Variants in USF2 observed in about 807,000 individuals in gnomAD.
USF2 encodes the protein upstream stimulatory factor 2.
USF2 carries 16 observed loss-of-function variants against 46.9 expected under a neutral mutation model. That is an observed-to-expected ratio of 0.34 (90% CI 0.23 to 0.52). USF2 has a LOEUF of 0.52. Among genes scored for constraint, USF2 ranks in the 20% least tolerant of loss-of-function variants. The pLI, the probability that USF2 is intolerant of heterozygous loss-of-function variation, is 0.96. For missense variants in USF2, 411 were observed against 474.0 expected (o/e 0.87, Z 1.23); for synonymous variants, 239 against 194.1 (o/e 1.23, Z -1.92).
intron 7 of USF2, among the ~76,000 whole-genome samples, chr19:35,276,562 G>A (rs1450847465): frequency 6.6e-6 from 1 of 152,202 alleles, no homozygotes; most frequent in Non-Finnish European, 1.5e-5. Flanking sequence ...ATGCGGTCCT[G>A]ACCTGCGAGC....
intron 7 of USF2, chr19:35,275,209 G>A (rs1212925049): frequency 6.6e-6 from 1 of 152,070 alleles, no homozygotes; most frequent in African/African-American, 2.4e-5. Flanking sequence ...GCCACACCTA[G>A]CTAGTTTTTG....
rs1361550595 is a variant in USF2 at position 35,270,492 on chromosome 19, G to A, written c.475G>A (p.Glu159Lys). The A allele has an allele frequency of 1.2e-6, 2 of 1,613,962 alleles. No individual in the cohort carries two copies. The highest frequency in any genetic ancestry group is 1.7e-6 in the Non-Finnish European group (2 of 1,180,026). Residue 159 changes from glutamate to lysine, a missense_variant, in exon 5 of 10, where the codon GAG (glutamate) becomes AAG (lysine). Physicochemically the swap from Glu to Lys is moderately conservative, Grantham distance 56. Transcript: ENST00000222305. Reference protein sequence around the residue: ...PFSNGGSPAAEAVSGEARFAY... With the variant: ...PFSNGGSPAAKAVSGEARFAY... The stretch of plus-strand genomic sequence containing the variant: ...CAGCAATGGTGGCAGTCCGGCGGCC[G>A]AGGCTGTCAGCGGGGAGGCACGATT...
chr19:35,276,851 T>C (rs980459890), intron 7 of USF2: 5 of 152,288 alleles, frequency 3.3e-5, no homozygotes, highest in Admixed American at 1.3e-4. Flanking sequence ...TTGCCCACAG[T>C]GGTGCTGCGA....
rs1257979896 is a variant in USF2 at position 35,279,216 on chromosome 19, A to G, written c.1001A>G (p.Gln334Arg). The change falls in exon 10 of 10, where the codon CAG (glutamine) becomes CGG (arginine). Residue 334 changes from glutamine to arginine, a missense_variant. By Grantham distance (43) the Gln-to-Arg change is conservative (BLOSUM62 1). Around this residue, in one of 2 missense-constraint regions of USF2, gnomAD observed 93 missense variants for 151.6 expected, o/e 0.61. Coordinates refer to ENST00000222305, the MANE Select transcript of USF2 (RefSeq NM_003367.4). ...ENALLRAQLQ[Q>R]HNLEMVGEGT... Reference sequence around the variant, plus strand: ...GCCCTGCTTCGAGCCCAGCTGCAGCAGCACAACCTGGAGATGGTGGGCGAG... The same window carrying G: ...GCCCTGCTTCGAGCCCAGCTGCAGCGGCACAACCTGGAGATGGTGGGCGAG... 5.7e-6 allele frequency: 9 copies of G among 1,588,684 alleles called. No individual in the cohort carries two copies. Among genetic ancestry groups the G allele is most frequent in the Non-Finnish European group, 7.7e-6 (9 of 1,166,954 alleles).
chr19:35,278,626 TCTG>T, intron 7 of USF2, 69 bp from the exon 8 acceptor site: 2 of 1,511,502 alleles, frequency 1.3e-6, no homozygotes, highest in Non-Finnish European at 1.8e-6. Flanking sequence ...GGGCTGAGCC[TCTG>T]CCCTGTGAGG....
intron 7 of USF2, chr19:35,275,205 C>T (rs778651225): frequency 2.0e-5 from 3 of 152,140 alleles, no homozygotes; most frequent in Non-Finnish European, 4.4e-5. Context: ...CGCTGCCACA[C>T]CTAGCTAGTT....
intron 7 of USF2, 165 bp from the exon 8 acceptor site, chr19:35,278,533 G>C: frequency 1.5e-6 from 1 of 685,908 alleles, no homozygotes; most frequent in Admixed American, 2.5e-5. Flanking sequence ...AGCTGGGGTG[G>C]GGGCCGGCTG....
chr19:35,270,136 G>A lies in USF2; in HGVS notation c.429+133G>A, dbSNP rs1018734028. 1.8e-5 allele frequency: 20 copies of A among 1,108,186 alleles called. No homozygotes were observed. In the African/African-American group the frequency reaches 2.0e-4, roughly 11 times the overall value. 68.6% of individuals were successfully genotyped at this position (1,108,186 alleles called of 1,614,324 possible). On this transcript the variant is annotated intron_variant, in intron 4 of 9. Transcript: ENST00000222305. ...TGCCTTCAGGCCTCAGGCTGCATGG[G>A]GCCAGATCCCTGTTGTGCACCGTGA...
At chr19:35,278,627 C>T (rs2066266826) in intron 7 of USF2, 71 bp from the exon 8 acceptor site, 2 of 1,519,678 alleles carry the variant, frequency 1.3e-6, no homozygotes, top group South Asian at 2.3e-5. Context: ...GGCTGAGCCT[C>T]TGCCCTGTGA....
Position 35,279,181 on chromosome 19 carries a change from G to A in USF2, c.966G>A (p.Lys322=). Residue 322 remains lysine, a synonymous_variant, in exon 10 of 10, where the codon AAG becomes AAA. Coordinates refer to ENST00000222305, the MANE Select transcript of USF2 (RefSeq NM_003367.4). ...GTGTCCGCCAGATCGAGGAGCTGAA[G>A]AATGAGAACGCCCTGCTTCGAGCCC... ...ELLRQQIEEL[K]NENALLRAQL... is the part of the protein sequence containing the mutation. The A allele has an allele frequency of 6.2e-7, 1 of 1,607,522 alleles. No homozygotes were observed. The highest frequency in any genetic ancestry group is 8.5e-7 in the Non-Finnish European group (1 of 1,177,194).
At position 35,271,616 on chromosome 19, in the gene USF2, G is replaced by A. The variant is rs1053918380; in HGVS notation, c.727+475G>A. On this transcript the variant is annotated intron_variant, in intron 7 of 9. Coordinates refer to ENST00000222305, the MANE Select transcript of USF2 (RefSeq NM_003367.4). The stretch of plus-strand genomic sequence containing the variant: ...GTTCTGCCTCTGGCTACCTAAGGCC[G>A]GAGCATCCTGCCCTTTCCAGAAACA... 5.3e-5 allele frequency among the ~76,000 whole-genome samples: 8 copies of A among 152,214 alleles called. No individual in the cohort carries two copies. In the East Asian group the frequency reaches 5.8e-4, roughly 11 times the overall value.
At chr19:35,274,105 C>G (rs1210984813) in intron 7 of USF2, among the ~76,000 whole-genome samples, 1 of 152,246 alleles carries the variant, frequency 6.6e-6, no homozygotes, top group Non-Finnish European at 1.5e-5. Context: ...CCTTTCACTG[C>G]AACTCCAGCC....
intron 2 of USF2, 23 bp downstream of exon 2, chr19:35,269,515 G>A: frequency 1.9e-6 from 3 of 1,540,448 alleles, no homozygotes; most frequent in Non-Finnish European, 1.7e-6. Context: ...CGGGCCGGCC[G>A]CGCCCGGGGA....
rs1194580770 is a variant in USF2, at chr19:35,270,600, G to A, written c.580+3G>A. The A allele has an allele frequency of 2.5e-6, 4 of 1,613,254 alleles. No individual in the cohort carries two copies. The highest frequency in any genetic ancestry group is 3.4e-6 in the Non-Finnish European group (4 of 1,179,434). ...AGACCAGAGCTTGCAGGCTGGAGGT[G>A]AGGAGTAGAAGTCAGATTGGCAGGT... On this transcript the variant is annotated splice_donor_region_variant and intron_variant, in intron 5 of 9. Transcript: ENST00000222305.
At chr19:35,275,780 C>T (rs1001129625) in intron 7 of USF2, 1 of 152,108 alleles carries the variant, frequency 6.6e-6, no homozygotes, top group African/African-American at 2.4e-5. Flanking sequence ...TGTATGATTT[C>T]AGTTCCTTGA....
chr19:35,273,674 C>T (rs1336386199), intron 7 of USF2, among the ~76,000 whole-genome samples: 1 of 152,230 alleles, frequency 6.6e-6, no homozygotes, highest in Non-Finnish European at 1.5e-5. Context: ...CCTCACACCT[C>T]AGGCTTCTGA....
intron 4 of USF2, 33 bp from the exon 5 acceptor site, chr19:35,270,414 G>T: frequency 1.3e-6 from 2 of 1,596,210 alleles, no homozygotes; most frequent in Non-Finnish European, 1.7e-6. Context: ...AACAGAGAAA[G>T]CTAAGGGTAG....
chr19:35,273,222 C>T (rs1337011033), intron 7 of USF2, among the ~76,000 whole-genome samples: 2 of 152,202 alleles, frequency 1.3e-5, no homozygotes. Flanking sequence ...TCCCAGTACC[C>T]TCAGCCATCT....
chr19:35,271,515 C>T lies in USF2; in HGVS notation c.727+374C>T, dbSNP rs559290083. Among the ~76,000 whole-genome samples the T allele has an allele frequency of 3.3e-5, 5 of 152,320 alleles. No individual in the cohort carries two copies. In the East Asian group the frequency reaches 9.6e-4, roughly 29 times the overall value. ...TGGCAGCTGTCATGCTCACATCCCG[C>T]ACTCCCATGCCTGCCTGGCCTCCAG... On this transcript the variant is annotated intron_variant, in intron 7 of 9. Transcript: ENST00000222305.
Sources: gnomAD v4.1 joint callset for allele counts (sites outside exome capture counted in the v4.1 genomes callset) on GRCh38, gnomAD v4.1.1 for gene constraint, gnomAD v4.1.1 regional missense constraint, MANE v1.5 for transcripts, NCBI Gene and HGNC (gene_info 2026-07-23, HGNC 2026-07-21) for gene names.